Variants in ZFHX3 observed in about 807,000 individuals in gnomAD.
ZFHX3 encodes zinc finger homeobox 3, also known as zinc finger homeobox protein 3.
Under a neutral mutation model 279.1 loss-of-function variants are expected in ZFHX3, and 42 were observed. The ratio of observed to expected loss-of-function variants is 0.15; its 90% CI spans 0.12 to 0.19. The LOEUF (loss-of-function observed/expected upper bound fraction) is 0.19, where lower values mean the gene tolerates loss of function less well. ZFHX3 is among the 10% of genes least tolerant of loss of function. The pLI, the probability that ZFHX3 is intolerant of heterozygous loss-of-function variation, is 1.00. For synonymous variants in ZFHX3, 2,293 were observed against 1,957.8 expected (o/e 1.17, Z -4.52); for missense variants, 4,981 against 4,754.0 (o/e 1.05, Z -1.40).
At chr16:73,398,469 G>T (rs1367314556) in intron 3 of ZFHX3, among the ~76,000 whole-genome samples, 1 of 152,186 alleles carries the variant, frequency 6.6e-6, no homozygotes, top group African/African-American at 2.4e-5. Context: ...GCTGGTGCCG[G>T]CCTGCACTGG....
At chr16:73,634,461 T>TATATATATATATATATATATAA (rs1567538532) in intron 2 of ZFHX3, among the ~76,000 whole-genome samples, 4 of 140,980 alleles carry the variant, frequency 2.8e-5, no homozygotes, top group African/African-American at 1.1e-4. Context: ...TATATATATA[T>TATATATATATATATATATATAA]AAAATATATA....
At chr16:73,122,751 A>T (rs1022401303) in intron 7 of ZFHX3, among the ~76,000 whole-genome samples, 2 of 152,090 alleles carry the variant, frequency 1.3e-5, no homozygotes, top group African/African-American at 2.4e-5. Flanking sequence ...GAAAACACGA[A>T]GTGAGGAGAG....
chr16:73,749,850 ACT>A (rs1234531344), intron 1 of ZFHX3, among the ~76,000 whole-genome samples: 45 of 152,180 alleles, frequency 3.0e-4, no homozygotes, highest in African/African-American at 1.1e-3. Context: ...ATGGCCCTGA[ACT>A]GTACCCTACG....
intron 3 of ZFHX3, among the ~76,000 whole-genome samples, chr16:72,932,464 T>TG: frequency 6.7e-6 from 1 of 150,336 alleles, no homozygotes; most frequent in East Asian, 1.9e-4. Flanking sequence ...GATATCCCTT[T>TG]GGGAAAAAAA....
chr16:72,953,664 T>G (rs1597008461), intron 2 of ZFHX3, among the ~76,000 whole-genome samples: 1 of 152,164 alleles, frequency 6.6e-6, no homozygotes, highest in African/African-American at 2.4e-5. Context: ...CACTGCAGTC[T>G]GGGCCACCAA....
chr16:73,821,033 G>A (rs533728070), intron 1 of ZFHX3, among the ~76,000 whole-genome samples: 14 of 152,270 alleles, frequency 9.2e-5, no homozygotes, highest in Admixed American at 3.3e-4. Flanking sequence ...GAGGTCTAGA[G>A]AGCGTGAGTC....
chr16:73,137,997 T>C (rs569242328), intron 6 of ZFHX3, among the ~76,000 whole-genome samples: 20 of 152,278 alleles, frequency 1.3e-4, no homozygotes, highest in Admixed American at 5.2e-4. Context: ...AAAATCCCTG[T>C]ATTCTAATGA....
chr16:73,652,935 T>C (rs1480765742), intron 2 of ZFHX3, among the ~76,000 whole-genome samples: 3 of 151,906 alleles, frequency 2.0e-5, no homozygotes, highest in Non-Finnish European at 4.4e-5. Context: ...AAAAAATAAA[T>C]GGCAGACTGA....
chr16:73,184,489 C>G lies in ZFHX3; in HGVS notation c.-1103-40658G>C, dbSNP rs566260703. 4.6e-5 allele frequency among the ~76,000 whole-genome samples: 7 copies of G among 152,312 alleles called. No individual in the cohort carries two copies. In the South Asian group the frequency reaches 1.2e-3, roughly 27 times the overall value. ...TTGGCTGCTTCTAAGCCAGGAGGTGCTCTGCCACTGCCCAAGTGGGGATTT... is the reference window on the plus strand; with the variant it reads ...TTGGCTGCTTCTAAGCCAGGAGGTGGTCTGCCACTGCCCAAGTGGGGATTT... On this transcript the variant is annotated intron_variant, in intron 5 of 17. Coordinates refer to the ZFHX3 transcript ENST00000641206.
In ZFHX3 at chr16:72,797,218, G is replaced by C. The variant is rs1273375843; in HGVS notation, c.5464C>G (p.Leu1822Val). The C allele has an allele frequency of 6.2e-7, 1 of 1,613,880 alleles. No homozygotes were observed. The highest frequency in any genetic ancestry group is 1.3e-5 in the African/African-American group (1 of 74,876). ...EVSLPVTSGA[L>V]TLTGTGPGLL... ...CCTGGGCCTGTCCCAGTCAGTGTCA[G>C]TGCCCCACTGGTCACTGGCAAGCTC... Residue 1822 changes from leucine (L) to valine (V), a missense_variant, in exon 9 of 10, where the codon CTG becomes GTG. Leu to Val is a conservative substitution (Grantham distance 32). Transcript: ENST00000268489.
At chr16:73,798,752 G>A (rs553932724) in intron 1 of ZFHX3, among the ~76,000 whole-genome samples, 1 of 152,124 alleles carries the variant, frequency 6.6e-6, no homozygotes, top group African/African-American at 2.4e-5. Context: ...TGGGGCCAGG[G>A]GTAACCACAG....
chr16:73,166,336 C>T (rs891308274), intron 5 of ZFHX3, among the ~76,000 whole-genome samples: 5 of 152,110 alleles, frequency 3.3e-5, no homozygotes, highest in East Asian at 3.9e-4. Flanking sequence ...GATTCCGAGT[C>T]GGGTTTGGAC....
intron 2 of ZFHX3, among the ~76,000 whole-genome samples, chr16:73,469,686 C>T (rs61158918): frequency 2.0e-5 from 3 of 151,980 alleles, no homozygotes; most frequent in Admixed American, 6.5e-5. Context: ...GGCGTGATCT[C>T]GACTCACTGC....
intron 3 of ZFHX3, among the ~76,000 whole-genome samples, chr16:73,441,887 C>T (rs2018100036): frequency 6.6e-6 from 1 of 152,130 alleles, no homozygotes; most frequent in African/African-American, 2.4e-5. Flanking sequence ...TACAGAAGCA[C>T]AAATACAAAA....
At chr16:73,674,688 C>A (rs1206302609) in intron 2 of ZFHX3, among the ~76,000 whole-genome samples, 1 of 152,188 alleles carries the variant, frequency 6.6e-6, no homozygotes, top group African/African-American at 2.4e-5. Context: ...CTTCCTTTAA[C>A]TAATGGAATC....
chr16:72,852,326 C>A lies in ZFHX3; in HGVS notation c.3449-22467G>T, dbSNP rs182568015. ...TGCATTTTTTTTCTAAAAGAGGGCT[C>A]CGCTAATAAAATTTTACAAACCACC... On this transcript the variant is annotated intron_variant, in intron 4 of 9. Transcript: ENST00000268489. Among the ~76,000 whole-genome samples, 288 of 152,266 alleles carry A rather than the reference C, an allele frequency of 1.9e-3. 1 individual carries two copies. Among genetic ancestry groups the A allele is most frequent in the Non-Finnish European group, 3.4e-3 (234 of 68,026 alleles).
At chr16:73,287,518 G>C (rs1597263613) in intron 4 of ZFHX3, among the ~76,000 whole-genome samples, 1 of 140,846 alleles carries the variant, frequency 7.1e-6, no homozygotes, top group Non-Finnish European at 1.5e-5. Context: ...GGTGATGTGT[G>C]CATGTGTGGC....
intron 3 of ZFHX3, among the ~76,000 whole-genome samples, chr16:73,358,795 G>C (rs1476366519): frequency 6.6e-6 from 1 of 152,218 alleles, no homozygotes; most frequent in Non-Finnish European, 1.5e-5. Context: ...TCTGAAGTCA[G>C]ACCACCAGGA....
At chr16:72,957,033 A>G (rs2106257) in intron 2 of ZFHX3, among the ~76,000 whole-genome samples, 118,639 of 152,072 alleles carry the variant, frequency 0.78, 46,522 homozygotes, top group Admixed American at 0.85. Flanking sequence ...CTCTTATTGA[A>G]ATGATTGCCT....
Sources: gnomAD v4.1 joint callset for allele counts (sites outside exome capture counted in the v4.1 genomes callset) on GRCh38, gnomAD v4.1.1 for gene constraint, MANE v1.5 for transcripts, NCBI Gene and HGNC (gene_info 2026-07-23, HGNC 2026-07-21) for gene names.